TMCC3: variants seen among roughly 807,000 people sequenced by gnomAD.
TMCC3 encodes transmembrane and coiled-coil domain protein 3.
A neutral mutation model predicts 40.2 loss-of-function variants in TMCC3; 28 were observed. The ratio of observed to expected loss-of-function variants is 0.70; its 90% CI spans 0.52 to 0.95. TMCC3 has a LOEUF of 0.95. TMCC3 is among the 40% of genes least tolerant of loss of function. The pLI is 0.00. For synonymous variants in TMCC3, 255 were observed against 248.5 expected (o/e 1.03, Z -0.25); for missense variants, 554 against 615.2 (o/e 0.90, Z 1.05).
At chr12:94,596,479 G>A (rs1240454270) in intron 1 of TMCC3, among the ~76,000 whole-genome samples, 1 of 152,146 alleles carries the variant, frequency 6.6e-6, no homozygotes, top group African/African-American at 2.4e-5. Context: ...CAAGTCAAAC[G>A]ATGTCTCTTC....
At chr12:94,644,792 G>C (rs1239172879) in intron 1 of TMCC3, among the ~76,000 whole-genome samples, 4 of 152,184 alleles carry the variant, frequency 2.6e-5, no homozygotes, top group Admixed American at 1.3e-4. Flanking sequence ...GAGTAAGCAT[G>C]TGATCATCAA....
intron 1 of TMCC3, among the ~76,000 whole-genome samples, chr12:94,645,460 T>C (rs1461902917): frequency 6.6e-6 from 1 of 152,194 alleles, no homozygotes; most frequent in Non-Finnish European, 1.5e-5. Flanking sequence ...GTTTCGGAGA[T>C]GGAGTCTCCC....
intron 3 of TMCC3, among the ~76,000 whole-genome samples, chr12:94,578,165 A>AAAAG (rs1555281322): frequency 0.017 from 2,006 of 121,400 alleles, 21 homozygotes; most frequent in African/African-American, 0.026. Flanking sequence ...AAAAAAAAAA[A>AAAAG]AAAGAAAAAG....
At chr12:94,622,698 C>T (rs774287789) in intron 1 of TMCC3, among the ~76,000 whole-genome samples, 26 of 152,062 alleles carry the variant, frequency 1.7e-4, no homozygotes, top group South Asian at 6.2e-4. Context: ...GCATGCTCAA[C>T]TCTCCTTTAA....
At chr12:94,571,803 C>A in intron 3 of TMCC3, 66 bp from the exon 4 acceptor site, 2 of 1,547,282 alleles carry the variant, frequency 1.3e-6, no homozygotes, top group East Asian at 2.3e-5. Context: ...TGAGTGCTCG[C>A]TCAGCTGTAC....
intron 1 of TMCC3, among the ~76,000 whole-genome samples, chr12:94,639,101 C>T (rs1481633896): frequency 1.3e-5 from 2 of 152,150 alleles, no homozygotes; most frequent in South Asian, 2.1e-4. Context: ...TTCGGCCTAT[C>T]GTCATCCATT....
In TMCC3 at chr12:94,597,154, TATATGTATATAA is replaced by T. The variant is rs1281837866; in HGVS notation, c.79-14628_79-14617del. ...ATATATATATATATATATATATATA[TATATGTATATAA>T]ATTAGCCAGGCCTGCTGGCGTGCCT... On this transcript the variant is annotated intron_variant, in intron 1 of 3. Coordinates refer to ENST00000261226, the MANE Select transcript of TMCC3 (RefSeq NM_020698.4). Among the ~76,000 whole-genome samples, 80 of 14,000 alleles carry T rather than the reference TATATGTATATAA, an allele frequency of 5.7e-3. 4 individuals are homozygous for T. The highest frequency in any genetic ancestry group is 9.5e-3 in the Non-Finnish European group (39 of 4,124). The allele number at this position is 14,000 out of a possible 152,430, so 9.2% of individuals were successfully genotyped here.
rs2068521734 is a variant in TMCC3 at position 94,570,658 on chromosome 12, T to C, written c.*777A>G. The C allele has an allele frequency of 6.6e-6, 1 of 152,638 alleles. No individual in the cohort carries two copies. Among genetic ancestry groups the C allele is most frequent in the Non-Finnish European group, 1.5e-5 (1 of 68,040 alleles). 9.5% of individuals were successfully genotyped at this position (152,638 alleles called of 1,614,324 possible). The stretch of plus-strand genomic sequence containing the variant: ...TAGTGCTCACAGGATTCCAAATTAA[T>C]GTTAAAGTCACAGTCTGATGAGGGA... On this transcript the variant is annotated 3_prime_UTR_variant, in exon 4 of 4. Transcript: ENST00000261226.
intron 3 of TMCC3, among the ~76,000 whole-genome samples, chr12:94,578,146 C>CAAAAAA (rs1183420863): frequency 0.033 from 917 of 28,054 alleles, no homozygotes; most frequent in Non-Finnish European, 0.046. Flanking sequence ...AGACTCACCT[C>CAAAAAA]AAAAAAAAAA....
At chr12:94,584,887 G>C (rs1349151552) in intron 1 of TMCC3, among the ~76,000 whole-genome samples, 2 of 151,428 alleles carry the variant, frequency 1.3e-5, no homozygotes, top group African/African-American at 4.9e-5. Flanking sequence ...GAATAAAGAA[G>C]GTATACAACA....
intron 3 of TMCC3, 42 bp downstream of exon 3, chr12:94,578,352 G>A (rs917316278): frequency 6.3e-7 from 1 of 1,589,858 alleles, no homozygotes; most frequent in Non-Finnish European, 8.6e-7. Flanking sequence ...TTAAGGCTCG[G>A]GAAGAGCCCA....
intron 1 of TMCC3, among the ~76,000 whole-genome samples, chr12:94,631,116 T>C (rs1262105925): frequency 6.6e-6 from 1 of 152,194 alleles, no homozygotes; most frequent in Non-Finnish European, 1.5e-5. Context: ...CATTGATGGT[T>C]TTACTTCTGA....
rs113538176 is a variant in TMCC3, at chr12:94,596,478, C to T, written c.79-13940G>A. On this transcript the variant is annotated intron_variant, in intron 1 of 3. Coordinates refer to ENST00000261226, the MANE Select transcript of TMCC3 (RefSeq NM_020698.4). ...TTCACCTTTCAAGGACCAAGTCAAACGATGTCTCTTCCACAGAGGTTCTCC... is the reference window on the plus strand; with the variant it reads ...TTCACCTTTCAAGGACCAAGTCAAATGATGTCTCTTCCACAGAGGTTCTCC... Among the ~76,000 whole-genome samples, 1,352 of 152,316 alleles carry T rather than the reference C, an allele frequency of 8.9e-3. 9 individuals carry two copies. The highest frequency in any genetic ancestry group is 0.021 in the South Asian group (102 of 4,818).
chr12:94,649,045 T>G (rs183360396), intron 1 of TMCC3, among the ~76,000 whole-genome samples: 1 of 152,364 alleles, frequency 6.6e-6, no homozygotes, highest in African/African-American at 2.4e-5. Context: ...CACAGCAAAC[T>G]GTTACGAAAC....
intron 1 of TMCC3, among the ~76,000 whole-genome samples, chr12:94,636,884 T>C (rs2068963763): frequency 6.6e-6 from 1 of 152,196 alleles, no homozygotes; most frequent in Admixed American, 6.5e-5. Flanking sequence ...GAGATTGCAG[T>C]CCTGGTTGAC....
intron 3 of TMCC3, among the ~76,000 whole-genome samples, chr12:94,577,768 T>A (rs1054682157): frequency 1.2e-4 from 19 of 152,164 alleles, no homozygotes; most frequent in Admixed American, 1.2e-3. Flanking sequence ...TTGTCTCCTA[T>A]TTTTACATTT....
chr12:94,641,774 T>C (rs777235160), intron 1 of TMCC3, among the ~76,000 whole-genome samples: 5 of 152,160 alleles, frequency 3.3e-5, no homozygotes, highest in African/African-American at 1.2e-4. Flanking sequence ...GCACAGATGA[T>C]GAGCTCCATG....
At chr12:94,634,440 T>C (rs995927068) in intron 1 of TMCC3, among the ~76,000 whole-genome samples, 1 of 152,050 alleles carries the variant, frequency 6.6e-6, no homozygotes, top group East Asian at 1.9e-4. Context: ...TCTGTTGGAA[T>C]GGTAGGCTCA....
chr12:94,604,498 G>A (rs569826175), intron 1 of TMCC3, among the ~76,000 whole-genome samples: 2 of 152,002 alleles, frequency 1.3e-5, no homozygotes, highest in South Asian at 2.1e-4. Context: ...GGGCAGGGAG[G>A]CGTACAGAAT....
Sources: gnomAD v4.1 joint callset for allele counts (sites outside exome capture counted in the v4.1 genomes callset) on GRCh38, gnomAD v4.1.1 for gene constraint, MANE v1.5 for transcripts, NCBI Gene and HGNC (gene_info 2026-07-23, HGNC 2026-07-21) for gene names.